SYNE1: variants seen among roughly 807,000 people sequenced by gnomAD.
The protein encoded by SYNE1 is spectrin repeat containing nuclear envelope protein 1, also known as nesprin-1.
A neutral mutation model predicts 1,111.0 loss-of-function variants in SYNE1; 616 were observed. The observed-to-expected ratio is 0.55, with a 90% CI of 0.52 to 0.59. The LOEUF (loss-of-function observed/expected upper bound fraction) is 0.59, where lower values mean the gene tolerates loss of function less well. SYNE1 is among the 20% of genes least tolerant of loss of function. SYNE1 has a pLI of 0.00. For missense variants in SYNE1, 10,006 were observed against 10,417.0 expected (o/e 0.96, Z 1.72); for synonymous variants, 3,855 against 3,825.8 (o/e 1.01, Z -0.28).
intron 3 of SYNE1, among the ~76,000 whole-genome samples, chr6:152,625,037 T>C (rs1408386634): frequency 3.3e-5 from 5 of 152,184 alleles, no homozygotes; most frequent in African/African-American, 7.2e-5. Flanking sequence ...ATTATACATA[T>C]CTAGACAAAG....
chr6:152,615,488 A>AC (rs2099643400), intron 3 of SYNE1, among the ~76,000 whole-genome samples: 1 of 152,146 alleles, frequency 6.6e-6, no homozygotes, highest in Non-Finnish European at 1.5e-5. Context: ...CAAATATATC[A>AC]GAAATAACAT....
intron 3 of SYNE1, among the ~76,000 whole-genome samples, chr6:152,578,882 C>G (rs1406895573): frequency 6.6e-6 from 1 of 151,624 alleles, no homozygotes; most frequent in Non-Finnish European, 1.5e-5. Context: ...TCTTTTGTTT[C>G]CAGGTTATTT....
chr6:152,176,257 C>G (rs536723162), intron 130 of SYNE1, 137 bp downstream of exon 130: 1 of 1,188,710 alleles, frequency 8.4e-7, no homozygotes, highest in Admixed American at 1.7e-5. Context: ...ATGAGAGGAG[C>G]ATGAACAGTT....
At position 152,325,994 on chromosome 6, in the gene SYNE1, A is replaced by G. The variant is rs1393381129; in HGVS notation, c.15402T>C (p.Ser5134=). 6.2e-7 allele frequency: 1 copy of G among 1,614,060 alleles called. No individual in the cohort carries two copies. Among genetic ancestry groups the G allele is most frequent in the East Asian group, 2.2e-5 (1 of 44,884 alleles). ...LSEFSLLKTS[S]SHEAEEKLSE... ...ACAATTTTTCTTCCGCTTCATGACT[A>G]GACGAAGTCTTCAACAAAGAAAACT... Residue 5134 remains serine (S), a synonymous_variant, in exon 80 of 146, where the codon TCT becomes TCC. Coordinates refer to ENST00000367255, the MANE Select transcript of SYNE1 (RefSeq NM_182961.4).
intron 125 of SYNE1, among the ~76,000 whole-genome samples, chr6:152,207,497 C>T (rs887037278): frequency 1.3e-5 from 2 of 152,268 alleles, no homozygotes; most frequent in Non-Finnish European, 2.9e-5. Flanking sequence ...TCATTGGATA[C>T]ACTGGGGAGA....
rs763751486 is a variant in SYNE1, at chr6:152,221,001, G to A, written c.21702C>T (p.Ser7234=). The part of the protein sequence containing the change: ...LEEIAEQLQS[S]KALLQLWQRY... ...TTTGCCAAAGCTGAAGTAGGGCCTTGCTGGACTGTAGCTGCTCAGCAATCT... is the reference window on the plus strand; with the variant it reads ...TTTGCCAAAGCTGAAGTAGGGCCTTACTGGACTGTAGCTGCTCAGCAATCT... Residue 7234 remains serine (S), a synonymous_variant, in exon 119 of 146, where the codon AGC becomes AGT. Transcript: ENST00000367255. The A allele has an allele frequency of 1.2e-5, 20 of 1,613,998 alleles. No homozygotes were observed. The highest frequency in any genetic ancestry group is 1.7e-5 in the Non-Finnish European group (20 of 1,180,010).
At chr6:152,197,778 A>G (rs924738143) in intron 127 of SYNE1, among the ~76,000 whole-genome samples, 3 of 152,206 alleles carry the variant, frequency 2.0e-5, no homozygotes, top group African/African-American at 7.2e-5. Flanking sequence ...AGGTAGAGTT[A>G]GCATAATTCT....
Position 152,436,088 on chromosome 6 carries a change from C to T in SYNE1, c.4163G>A (p.Arg1388Gln), listed in dbSNP as rs770990182. 21 of 1,613,508 alleles carry T rather than the reference C, an allele frequency of 1.3e-5. No individual in the cohort carries two copies. The highest frequency in any genetic ancestry group is 4.5e-5 in the East Asian group (2 of 44,866). The part of the protein sequence containing the change: ...ELEQTKEFSK[R>Q]TESIAVQAEN... ...AGCCTGGACTGCAATACTTTCTGTC[C>T]GTTTAGAAAACTCCTAGAAAAAATA... is the stretch of plus-strand genomic sequence containing the variant. The change falls in exon 33 of 146, where the codon CGG becomes CAG. Residue 1388 changes from arginine to glutamine, a missense_variant. Arg to Gln is a conservative substitution (Grantham distance 43, BLOSUM62 1). Transcript: ENST00000367255.
At chr6:152,188,607 T>C (rs1433884546) in intron 128 of SYNE1, among the ~76,000 whole-genome samples, 1 of 152,100 alleles carries the variant, frequency 6.6e-6, no homozygotes. Context: ...ACGTTTCAAG[T>C]ATATCTACCC....
chr6:152,330,330 C>A lies in SYNE1; in HGVS notation c.14355G>T (p.Lys4785Asn), dbSNP rs751898330. ...GTTGTCTCTCCAGCTGTTGGCACAT[C>A]TTCTCGTGTTCTTGGTAAGCACTGG... ...DTTSAYQEHE[K>N]MCQQLERQLK... The change falls in exon 78 of 146, where the codon AAG becomes AAT. Residue 4785 changes from lysine (K) to asparagine (N), a missense_variant. Lys to Asn is a moderately conservative substitution (Grantham distance 94, BLOSUM62 0). Around this residue, in one of 7 missense-constraint regions of SYNE1, gnomAD observed 4,955 missense variants for 5,017.2 expected, o/e 0.99. Transcript: ENST00000367255. 1.2e-6 allele frequency: 2 copies of A among 1,614,046 alleles called. No individual in the cohort carries two copies. Among genetic ancestry groups the A allele is most frequent in the East Asian group, 4.5e-5 (2 of 44,892 alleles).
chr6:152,380,825 A>T (rs1242211519), intron 56 of SYNE1, among the ~76,000 whole-genome samples, 181 bp downstream of exon 56: 1 of 152,218 alleles, frequency 6.6e-6, no homozygotes, highest in Admixed American at 6.5e-5. Context: ...TTATTTTTAC[A>T]AAAGTTTGAT....
intron 11 of SYNE1, among the ~76,000 whole-genome samples, chr6:152,492,622 G>A (rs890545415): frequency 2.0e-5 from 3 of 152,174 alleles, no homozygotes; most frequent in Non-Finnish European, 2.9e-5. Flanking sequence ...AGAGCCCCTG[G>A]AACTCTGGCC....
At position 152,132,143 on chromosome 6, in the gene SYNE1, G is replaced by T. The variant is rs2055906945; in HGVS notation, c.26073C>A (p.Ser8691Arg). The change falls in exon 144 of 146, where the codon AGC (serine) becomes AGA (arginine). Residue 8691 changes from serine (S) to arginine (R), a missense_variant. Physicochemically the swap from Ser to Arg is moderately radical, Grantham distance 110 (BLOSUM62 -1). This residue lies in a region of SYNE1 where 761 missense variants were observed against 795.5 expected (regional missense o/e 0.96). Coordinates refer to ENST00000367255, the MANE Select transcript of SYNE1 (RefSeq NM_182961.4). ...SGSVSPTSGR[S>R]TPNRQKTPRG... ...TTACCGTTTTCTGTCTGTTTGGGGT[G>T]CTCCTTCCTGATGTGGGACTCACAG... 8.7e-6 allele frequency: 14 copies of T among 1,614,112 alleles called. No homozygotes were observed. Among genetic ancestry groups the T allele is most frequent in the Non-Finnish European group, 1.2e-5 (14 of 1,179,982 alleles).
rs370852402 is a variant in SYNE1, at chr6:152,430,487, T to C, written c.4684A>G (p.Arg1562Gly). The C allele has an allele frequency of 5.0e-6, 8 of 1,613,752 alleles. No individual in the cohort carries two copies. The Middle Eastern group carries it at 5.0e-4, about 100-fold the overall frequency. Residue 1562 changes from arginine to glycine, a missense_variant, in exon 35 of 146, where the codon AGA becomes GGA. By Grantham distance (125) the Arg-to-Gly change is moderately radical (BLOSUM62 -2). Coordinates refer to ENST00000367255, the MANE Select transcript of SYNE1 (RefSeq NM_182961.4). Reference sequence around the variant, plus strand: ...ATAGGTGGATCAATTCTTACCTTTCTAAGGTTCTCTTCAAACTTTTGCTGC... The same window carrying C: ...ATAGGTGGATCAATTCTTACCTTTCCAAGGTTCTCTTCAAACTTTTGCTGC... ...SQQQKFEENL[R>G]KIQQSVSEFE...
At position 152,436,009 on chromosome 6, in the gene SYNE1, C is replaced by A; in HGVS notation, c.4242G>T (p.Gln1414His). Residue 1414 changes from glutamine to histidine, a missense_variant, in exon 33 of 146, where the codon CAG becomes CAT. Around this residue, in one of 7 missense-constraint regions of SYNE1, gnomAD observed 1,971 missense variants for 2,084.1 expected, o/e 0.95. Transcript: ENST00000367255. ...TTGACTTGGCCTGCTGTTGAAGCAGCTGCTTATTTTGGGGCCCAAGCGGTA... is the reference window on the plus strand; with the variant it reads ...TTGACTTGGCCTGCTGTTGAAGCAGATGCTTATTTTGGGGCCCAAGCGGTA... Reference protein sequence around the residue: ...SEIPLGPQNKQLLQQQAKSIK... With the variant: ...SEIPLGPQNKHLLQQQAKSIK... 1 of 1,614,108 alleles carries A rather than the reference C, an allele frequency of 6.2e-7. No individual in the cohort carries two copies.
chr6:152,368,280 G>A (rs1021194715), intron 61 of SYNE1: 4 of 152,646 alleles, frequency 2.6e-5, no homozygotes, highest in African/African-American at 9.6e-5. Flanking sequence ...AGATAGGTCT[G>A]CAACACACAG....
At chr6:152,445,708 C>A (rs2098579539) in intron 29 of SYNE1, among the ~76,000 whole-genome samples, 1 of 151,330 alleles carries the variant, frequency 6.6e-6, no homozygotes, top group African/African-American at 2.4e-5. Flanking sequence ...CTTGTGCATC[C>A]ACCCACAGTC....
At chr6:152,377,915 T>C (rs1323339315) in intron 56 of SYNE1, among the ~76,000 whole-genome samples, 7 of 151,942 alleles carry the variant, frequency 4.6e-5, no homozygotes, top group South Asian at 4.1e-4. Flanking sequence ...AGCTCACAAT[T>C]TAATAGATGA....
At chr6:152,585,995 C>T (rs115077920) in intron 3 of SYNE1, among the ~76,000 whole-genome samples, 3,324 of 152,178 alleles carry the variant, frequency 0.022, 129 homozygotes, top group African/African-American at 0.076. Context: ...CTTTCCTCTG[C>T]TTCCCTATCC....
Sources: allele counts gnomAD v4.1 joint callset (sites outside exome capture counted in the v4.1 genomes callset), GRCh38; gene constraint gnomAD v4.1.1; regional missense constraint gnomAD v4.1.1; transcripts MANE v1.5; gene names NCBI Gene and HGNC (gene_info 2026-07-23, HGNC 2026-07-21).